BCO2: variants seen among roughly 807,000 people sequenced by gnomAD.
BCO2 encodes carotenoid-cleaving dioxygenase, mitochondrial.
Under a neutral mutation model 65.8 loss-of-function variants are expected in BCO2, and 56 were observed. That is an observed-to-expected ratio of 0.85 (90% CI 0.69 to 1.06). The LOEUF is 1.06. BCO2 is among the 50% of genes least tolerant of loss of function. The pLI, the probability that BCO2 is intolerant of heterozygous loss-of-function variation, is 0.00. For missense variants in BCO2, 675 were observed against 698.5 expected, an observed-to-expected ratio of 0.97 and a Z score of 0.38; for synonymous variants, 233 against 242.3, an observed-to-expected ratio of 0.96 and a Z score of 0.36.
intron 10 of BCO2, 26 bp downstream of exon 10, chr11:112,214,970 A>G (rs1859622715): frequency 6.2e-7 from 1 of 1,606,430 alleles, no homozygotes; most frequent in South Asian, 1.1e-5. Context: ...TTCCTTTTTG[A>G]ACTTTTCAGA....
At chr11:112,181,925 A>G in intron 2 of BCO2, 3 of 623,882 alleles carry the variant, frequency 4.8e-6, no homozygotes, top group Non-Finnish European at 8.7e-6. Flanking sequence ...TGCTCTGTTA[A>G]TGGGAGAAAA....
At chr11:112,207,279 A>C (rs1399029719) in intron 8 of BCO2, among the ~76,000 whole-genome samples, 1 of 152,202 alleles carries the variant, frequency 6.6e-6, no homozygotes, top group Non-Finnish European at 1.5e-5. Context: ...TAAATATAAA[A>C]TTGCTATAGG....
At chr11:112,181,521 C>T in intron 2 of BCO2, 1 of 734,988 alleles carries the variant, frequency 1.4e-6, no homozygotes, top group Non-Finnish European at 2.6e-6. Context: ...ACTTTGAACC[C>T]ATTTTGAACT....
chr11:112,193,406 A>G (rs1037283001), intron 2 of BCO2, 68 bp from the exon 3 acceptor site: 6 of 1,349,010 alleles, frequency 4.4e-6, no homozygotes, highest in African/African-American at 1.4e-5. Context: ...ATGAAGATCT[A>G]TCACTCTGTC....
At chr11:112,206,198 A>C (rs1867864318) in intron 8 of BCO2, among the ~76,000 whole-genome samples, 3 of 131,220 alleles carry the variant, frequency 2.3e-5, no homozygotes, top group East Asian at 2.4e-4. Context: ...ATCCCAGACA[A>C]TGTGGGGGCC....
chr11:112,184,579 T>G (rs1280415550), intron 2 of BCO2, among the ~76,000 whole-genome samples: 1 of 152,120 alleles, frequency 6.6e-6, no homozygotes, highest in East Asian at 1.9e-4. Flanking sequence ...TAAACACACA[T>G]TTGATTACGG....
rs752526303 is a variant in BCO2 at position 112,200,694 on chromosome 11, G to T, written c.947G>T (p.Gly316Val). The T allele has an allele frequency of 6.2e-7, 1 of 1,613,874 alleles. No homozygotes were observed. Among genetic ancestry groups the T allele is most frequent in the Admixed American group, 1.7e-5 (1 of 59,912 alleles). The change falls in exon 7 of 12, where the codon GGA becomes GTA. Residue 316 changes from glycine to valine, a missense_variant. Physicochemically the swap from Gly to Val is moderately radical, Grantham distance 109 (BLOSUM62 -3). Coordinates refer to ENST00000357685, the MANE Select transcript of BCO2 (RefSeq NM_031938.7). Reference sequence around the variant, plus strand: ...AAAATTGCCACTTCTAAAATTCGGGGAAAGGCCTTTTCAGATGGGATAAGC... The same window carrying T: ...AAAATTGCCACTTCTAAAATTCGGGTAAAGGCCTTTTCAGATGGGATAAGC... Reference protein sequence around the residue: ...LWKIATSKIRGKAFSDGISWE... With the variant: ...LWKIATSKIRVKAFSDGISWE...
At chr11:112,205,527 T>C (rs1373329997) in intron 8 of BCO2, among the ~76,000 whole-genome samples, 1 of 152,234 alleles carries the variant, frequency 6.6e-6, no homozygotes, top group Non-Finnish European at 1.5e-5. Context: ...TGATCATAGC[T>C]CACTGAAGCC....
chr11:112,192,978 C>CT (rs34728026), intron 2 of BCO2, among the ~76,000 whole-genome samples: 24,732 of 74,580 alleles, frequency 0.33, 3,915 homozygotes, highest in South Asian at 0.51. Context: ...GTAAATTATT[C>CT]TTTTTTTTTT....
intron 2 of BCO2, among the ~76,000 whole-genome samples, chr11:112,180,367 A>G (rs1273072024): frequency 1.3e-5 from 2 of 152,154 alleles, no homozygotes; most frequent in African/African-American, 2.4e-5. Flanking sequence ...TTAATTCTCT[A>G]CACAGTGTTA....
intron 8 of BCO2, among the ~76,000 whole-genome samples, chr11:112,211,319 TACACACACACACACAC>T (rs71060232): frequency 3.1e-5 from 4 of 128,452 alleles, no homozygotes; most frequent in Admixed American, 1.5e-4. Flanking sequence ...TTCGATTGTA[TACACACACACACACAC>T]ACACACACAC....
At chr11:112,211,668 T>A (rs1318397719) in intron 8 of BCO2, among the ~76,000 whole-genome samples, 1 of 152,206 alleles carries the variant, frequency 6.6e-6, no homozygotes, top group Non-Finnish European at 1.5e-5. Context: ...TCCTAATGGG[T>A]GTGAAGTGAT....
rs1439879117 is a variant in BCO2 at position 112,214,758 on chromosome 11, T to A, written c.1333-4T>A. 8.1e-6 allele frequency: 13 copies of A among 1,611,112 alleles called. No homozygotes were observed. In the Admixed American group the frequency reaches 1.8e-4, roughly 23 times the overall value. ...ACTACAAATCCTTTTGAAATCTCTT[T>A]TAGATCTGGTGCTCTCATGAAAATC... On this transcript the variant is annotated splice_region_variant and splice_polypyrimidine_tract_variant and intron_variant, in intron 9 of 11. Transcript: ENST00000357685.
chr11:112,200,162 A>G (rs2135379345), intron 6 of BCO2, among the ~76,000 whole-genome samples: 1 of 152,262 alleles, frequency 6.6e-6, no homozygotes, highest in Non-Finnish European at 1.5e-5. Context: ...GGGGAAATTC[A>G]TATTCTATAT....
chr11:112,217,323 G>A (rs1859707549), intron 11 of BCO2, among the ~76,000 whole-genome samples: 2 of 152,116 alleles, frequency 1.3e-5, no homozygotes, highest in South Asian at 4.1e-4. Flanking sequence ...GAGGTATGAA[G>A]ATGTGTAAGA....
At chr11:112,215,007 T>G (rs536593366) in intron 10 of BCO2, 63 bp downstream of exon 10, 34 of 1,504,276 alleles carry the variant, frequency 2.3e-5, no homozygotes, top group Non-Finnish European at 3.0e-5. Context: ...TGAATTAGTT[T>G]GTTTTATTTA....
intron 5 of BCO2, among the ~76,000 whole-genome samples, chr11:112,195,505 C>T (rs1363078015): frequency 5.3e-5 from 8 of 151,966 alleles, no homozygotes; most frequent in South Asian, 2.1e-4. Flanking sequence ...TGCCGTGGCA[C>T]GATCTCAGCT....
chr11:112,179,647 A>G (rs980000043), intron 2 of BCO2, 165 bp downstream of exon 2: 2 of 670,896 alleles, frequency 3.0e-6, no homozygotes, highest in Non-Finnish European at 5.0e-6. Context: ...GACTTTTTAA[A>G]CAAAATGTCC....
At chr11:112,192,229 A>G (rs560404745) in intron 2 of BCO2, among the ~76,000 whole-genome samples, 3 of 152,310 alleles carry the variant, frequency 2.0e-5, no homozygotes, top group Admixed American at 6.5e-5. Context: ...AATGTCCTCA[A>G]TGGTTCATTC....
Sources: gnomAD v4.1 joint callset for allele counts (sites outside exome capture counted in the v4.1 genomes callset) on GRCh38, gnomAD v4.1.1 for gene constraint, MANE v1.5 for transcripts, NCBI Gene and HGNC (gene_info 2026-07-23, HGNC 2026-07-21) for gene names.